The following ACBD6 variants were observed in gnomAD, a reference collection of about 807,000 sequenced individuals.
ACBD6 encodes acyl-CoA binding domain containing 6, also known as acyl-CoA-binding domain-containing protein 6.
ACBD6 carries 28 observed loss-of-function variants against 37.2 expected under a neutral mutation model. That is an observed-to-expected ratio of 0.75 (90% CI 0.56 to 1.03). ACBD6 has a LOEUF of 1.03. ACBD6 is among the 50% of genes least tolerant of loss of function. The probability of loss-of-function intolerance (pLI) is 0.00; values close to 1 mark genes in which losing one functional copy is unlikely to be tolerated. For missense variants in ACBD6, 340 were observed against 337.4 expected, an observed-to-expected ratio of 1.01 and a Z score of -0.06; for synonymous variants, 113 against 126.8, an observed-to-expected ratio of 0.89 and a Z score of 0.73.
At chr1:180,430,719 A>AAG (rs1648779827) in intron 3 of ACBD6, among the ~76,000 whole-genome samples, 1 of 149,420 alleles carries the variant, frequency 6.7e-6, no homozygotes, top group Non-Finnish European at 1.5e-5. Flanking sequence ...AAAAAAAAAA[A>AAG]GGAAGGAGAA....
chr1:180,290,595 A>G (rs759503236), intron 7 of ACBD6, among the ~76,000 whole-genome samples: 12 of 152,256 alleles, frequency 7.9e-5, no homozygotes, highest in South Asian at 2.1e-4. Flanking sequence ...AAAAGAATGA[A>G]TAAGAAATGT....
At chr1:180,453,895 C>G (rs1649810055) in intron 3 of ACBD6, among the ~76,000 whole-genome samples, 1 of 152,058 alleles carries the variant, frequency 6.6e-6, no homozygotes, top group African/African-American at 2.4e-5. Flanking sequence ...TAAGAGAGGA[C>G]ATAAACAAAT....
At position 180,483,874 on chromosome 1, in the gene ACBD6, C is replaced by T. The variant is rs369748430; in HGVS notation, c.384+8395G>A. On this transcript the variant is annotated intron_variant, in intron 3 of 7. Coordinates refer to ENST00000367595, the MANE Select transcript of ACBD6 (RefSeq NM_032360.4). ...TAATAGGACTCAAAAGAAATAGTACCCATGCATCTTGAACAAGAATCTTCT... is the reference window on the plus strand; with the variant it reads ...TAATAGGACTCAAAAGAAATAGTACTCATGCATCTTGAACAAGAATCTTCT... Among the ~76,000 whole-genome samples, 10 of 151,996 alleles carry T rather than the reference C, an allele frequency of 6.6e-5. No homozygotes were observed. In the East Asian group the frequency reaches 1.4e-3, roughly 21 times the overall value.
intron 4 of ACBD6, among the ~76,000 whole-genome samples, chr1:180,420,550 T>C (rs1219764840): frequency 6.6e-6 from 1 of 152,196 alleles, no homozygotes; most frequent in East Asian, 1.9e-4. Flanking sequence ...AGATGTTGTA[T>C]TTGGGAGCCA....
At chr1:180,406,152 A>G (rs888826031) in intron 5 of ACBD6, among the ~76,000 whole-genome samples, 1 of 152,188 alleles carries the variant, frequency 6.6e-6, no homozygotes, top group African/African-American at 2.4e-5. Context: ...AATACCAGGT[A>G]ATTTTCTCAA....
chr1:180,415,334 T>C (rs1324547653), intron 4 of ACBD6, among the ~76,000 whole-genome samples: 1 of 151,278 alleles, frequency 6.6e-6, no homozygotes. Context: ...GAGGCAGAGG[T>C]TGCAGTGAGC....
At chr1:180,302,658 A>T (rs1157425302) in intron 7 of ACBD6, among the ~76,000 whole-genome samples, 2 of 151,898 alleles carry the variant, frequency 1.3e-5, no homozygotes, top group African/African-American at 4.8e-5. Context: ...TAATAATGGG[A>T]GACTTTAACA....
intron 3 of ACBD6, among the ~76,000 whole-genome samples, chr1:180,454,205 C>G (rs779944781): frequency 6.6e-6 from 1 of 152,138 alleles, no homozygotes; most frequent in Non-Finnish European, 1.5e-5. Flanking sequence ...GAACAGACGC[C>G]TCAGAAATAA....
intron 3 of ACBD6, among the ~76,000 whole-genome samples, chr1:180,450,027 A>G (rs1176816530): frequency 6.6e-6 from 1 of 151,506 alleles, no homozygotes; most frequent in African/African-American, 2.4e-5. Flanking sequence ...AAAATCTTCA[A>G]TGTGGGAATA....
intron 6 of ACBD6, among the ~76,000 whole-genome samples, chr1:180,367,817 G>A (rs919832864): frequency 8.5e-5 from 13 of 152,110 alleles, no homozygotes; most frequent in South Asian, 2.1e-4. Context: ...TTGATTCTAT[G>A]TCTTTGCTAT....
chr1:180,293,737 T>C (rs897884015), intron 7 of ACBD6, among the ~76,000 whole-genome samples: 21 of 152,270 alleles, frequency 1.4e-4, no homozygotes, highest in African/African-American at 5.1e-4. Context: ...TTCTATTTTT[T>C]ATTTTTGTTT....
At chr1:180,479,261 A>C (rs551568025) in intron 3 of ACBD6, among the ~76,000 whole-genome samples, 28 of 152,344 alleles carry the variant, frequency 1.8e-4, no homozygotes, top group Non-Finnish European at 3.2e-4. Context: ...TCTATCACGG[A>C]TGAATGAATA....
intron 3 of ACBD6, among the ~76,000 whole-genome samples, chr1:180,464,452 A>T (rs1004151006): frequency 6.6e-6 from 1 of 152,162 alleles, no homozygotes; most frequent in African/African-American, 2.4e-5. Context: ...TCACAAAAAA[A>T]TAAACAAAGT....
intron 4 of ACBD6, among the ~76,000 whole-genome samples, chr1:180,422,128 A>C (rs916012763): frequency 2.6e-5 from 4 of 152,206 alleles, no homozygotes; most frequent in African/African-American, 9.6e-5. Context: ...TATGAGATTA[A>C]AAGATATTGC....
At chr1:180,273,080 G>A (rs1003475655) in intron 12 of ACBD6, 15 of 152,268 alleles carry the variant, frequency 9.9e-5, no homozygotes, top group African/African-American at 3.4e-4. Context: ...TAAGGGGAAT[G>A]GGGGGCAGGC....
exon 14 of ACBD6, chr1:180,270,458 G>A (rs1648577584): frequency 6.6e-6 from 1 of 152,214 alleles, no homozygotes; most frequent in Non-Finnish European, 1.5e-5. Context: ...TAAGTGCTGG[G>A]AGAGGAAACA....
At chr1:180,337,278 A>G in intron 6 of ACBD6, among the ~76,000 whole-genome samples, 1 of 152,206 alleles carries the variant, frequency 6.6e-6, no homozygotes, top group Non-Finnish European at 1.5e-5. Flanking sequence ...AACCGAATCC[A>G]GCAGCACATC....
intron 6 of ACBD6, among the ~76,000 whole-genome samples, chr1:180,316,465 T>A (rs1650817955): frequency 1.3e-5 from 2 of 152,160 alleles, no homozygotes; most frequent in Admixed American, 1.3e-4. Flanking sequence ...ATTTCAGGAT[T>A]CTACTTAGGC....
At chr1:180,326,144 A>G (rs1483841286) in intron 6 of ACBD6, among the ~76,000 whole-genome samples, 1 of 152,202 alleles carries the variant, frequency 6.6e-6, no homozygotes, top group East Asian at 1.9e-4. Flanking sequence ...GTGGGTCCAG[A>G]GATGCTGTCT....
Sources: allele counts gnomAD v4.1 joint callset (sites outside exome capture counted in the v4.1 genomes callset), GRCh38; gene constraint gnomAD v4.1.1; transcripts MANE v1.5; gene names NCBI Gene and HGNC (gene_info 2026-07-23, HGNC 2026-07-21).